SPATA4: variants seen among roughly 807,000 people sequenced by gnomAD.
SPATA4 encodes spermatogenesis associated 4.
A neutral mutation model predicts 31.8 loss-of-function variants in SPATA4; 35 were observed. The observed-to-expected ratio is 1.10, with a 90% CI of 0.84 to 1.46. The LOEUF is 1.46. Ranked by LOEUF, SPATA4 falls within the 40% of genes most tolerant of loss-of-function variation. The pLI is 0.00. For missense variants in SPATA4, 394 were observed against 363.1 expected, an observed-to-expected ratio of 1.09 and a Z score of -0.69; for synonymous variants, 126 against 132.4, an observed-to-expected ratio of 0.95 and a Z score of 0.33.
chr4:176,191,547 T>C (rs1316983438), intron 4 of SPATA4, among the ~76,000 whole-genome samples: 2 of 152,248 alleles, frequency 1.3e-5, no homozygotes, highest in African/African-American at 4.8e-5. Context: ...TATACAAATG[T>C]GTTTTCATCG....
rs781642804 is a variant in SPATA4 at position 176,188,254 on chromosome 4, A to C, written c.689-19T>G. 2 of 1,515,108 alleles carry C rather than the reference A, an allele frequency of 1.3e-6. No homozygotes were observed. The highest frequency in any genetic ancestry group is 4.1e-5 in the Admixed American group (2 of 48,566). The allele number at this position is 1,515,108 out of a possible 1,614,324, so 93.9% of individuals were successfully genotyped here. ...AACCATTCTATAAAATATGAACACA[A>C]AAGTTATTTCTTAAAAAGCCATAAT... On this transcript the variant is annotated intron_variant, in intron 4 of 5. Transcript: ENST00000280191.
In SPATA4 at chr4:176,184,744, G is replaced by A. The variant is rs1314046696; in HGVS notation, c.*36C>T. The stretch of plus-strand genomic sequence containing the variant: ...TTTCTTTATTATGGCTAGAGATGGT[G>A]GCATCACTTCTTCAAAGCCATTTGA... On this transcript the variant is annotated 3_prime_UTR_variant, in exon 6 of 6. Coordinates refer to ENST00000280191, the MANE Select transcript of SPATA4 (RefSeq NM_144644.4). 5.6e-6 allele frequency: 7 copies of A among 1,253,604 alleles called. No homozygotes were observed. The African/African-American group carries it at 7.5e-5, about 13-fold the overall frequency. 77.7% of individuals were successfully genotyped at this position (1,253,604 alleles called of 1,614,324 possible).
At position 176,192,646 on chromosome 4, in the gene SPATA4, T is replaced by A. The variant is rs1463371944; in HGVS notation, c.669A>T (p.Leu223Phe). 1.2e-6 allele frequency: 2 copies of A among 1,613,430 alleles called. No individual in the cohort carries two copies. Among genetic ancestry groups the A allele is most frequent in the African/African-American group, 2.7e-5 (2 of 74,920 alleles). Reference protein sequence around the residue: ...LILLHMLQRKLGRKLNPEWFD... With the variant: ...LILLHMLQRKFGRKLNPEWFD... The stretch of plus-strand genomic sequence containing the variant: ...ACTTACCTGGATTCAATTTTCTGCC[T>A]AATTTTCTTTGCAACATATGTAAAA... Residue 223 changes from leucine (L) to phenylalanine (F), a missense_variant, in exon 4 of 6, where the codon TTA becomes TTT. Leu to Phe is a conservative substitution (Grantham distance 22, BLOSUM62 0). Coordinates refer to ENST00000280191, the MANE Select transcript of SPATA4 (RefSeq NM_144644.4).
Position 176,195,519 on chromosome 4 carries a change from G to T in SPATA4, c.44C>A (p.Ala15Glu). 2 of 1,614,242 alleles carry T rather than the reference G, an allele frequency of 1.2e-6. No individual in the cohort carries two copies. Among genetic ancestry groups the T allele is most frequent in the Non-Finnish European group, 1.7e-6 (2 of 1,180,040 alleles). The change falls in exon 1 of 6, where the codon GCG (alanine) becomes GAG (glutamate). Residue 15 changes from alanine (A) to glutamate (E), a missense_variant. Ala to Glu is a moderately radical substitution (Grantham distance 107). Coordinates refer to ENST00000280191, the MANE Select transcript of SPATA4 (RefSeq NM_144644.4). ...TGACGGTGACTTGTCTAGGGCTGCC[G>T]CAGTCTGTGTCAAATACCCTTTTTC... ...GQEKGYLTQT[A>E]AALDKSPSLS...
Position 176,192,674 on chromosome 4 carries a change from A to G in SPATA4, c.641T>C (p.Ile214Thr), listed in dbSNP as rs1258503450. Residue 214 changes from isoleucine to threonine, a missense_variant, in exon 4 of 6, where the codon ATC becomes ACC. By Grantham distance (89) the Ile-to-Thr change is moderately conservative. Transcript: ENST00000280191. ...TTTTCTTTGCAACATATGTAAAAGGATGAGGAACTCCGCTTTAAGTTCATT... is the reference window on the plus strand; with the variant it reads ...TTTTCTTTGCAACATATGTAAAAGGGTGAGGAACTCCGCTTTAAGTTCATT... ...LTNELKAEFL[I>T]LLHMLQRKLG... 1 of 1,613,954 alleles carries G rather than the reference A, an allele frequency of 6.2e-7. No homozygotes were observed. Among genetic ancestry groups the G allele is most frequent in the African/African-American group, 1.3e-5 (1 of 74,918 alleles).
intron 5 of SPATA4, among the ~76,000 whole-genome samples, chr4:176,185,573 C>T (rs62339458): frequency 0.16 from 24,207 of 152,164 alleles, 2,589 homozygotes; most frequent in Non-Finnish European, 0.23. Context: ...TACGTTCCTA[C>T]AGTCTAGTGT....
chr4:176,191,593 A>T (rs571178620), intron 4 of SPATA4, among the ~76,000 whole-genome samples: 1 of 152,364 alleles, frequency 6.6e-6, no homozygotes, highest in Admixed American at 6.5e-5. Flanking sequence ...TATACATTAT[A>T]TACGTGCATG....
At chr4:176,190,245 A>G (rs534896503) in intron 4 of SPATA4, among the ~76,000 whole-genome samples, 30 of 151,760 alleles carry the variant, frequency 2.0e-4, no homozygotes, top group African/African-American at 7.3e-4. Context: ...GCATAAGACG[A>G]TAGGGGGGTG....
chr4:176,192,565 C>T (rs1752546937), intron 4 of SPATA4, 62 bp downstream of exon 4: 1 of 1,407,748 alleles, frequency 7.1e-7, no homozygotes, highest in Admixed American at 1.8e-5. Flanking sequence ...TTTCTTTCAT[C>T]TGTGCTCAAG....
chr4:176,192,591 C>T, intron 4 of SPATA4, 36 bp downstream of exon 4: 1 of 1,558,342 alleles, frequency 6.4e-7, no homozygotes, highest in Non-Finnish European at 8.8e-7. Context: ...CCTGATAGAG[C>T]TTGGAAGAAC....
chr4:176,188,250 CA>C lies in SPATA4; in HGVS notation c.689-16del. The C allele has an allele frequency of 6.6e-7, 1 of 1,526,196 alleles. No homozygotes were observed. 94.5% of individuals were successfully genotyped at this position (1,526,196 alleles called of 1,614,324 possible). On this transcript the variant is annotated splice_polypyrimidine_tract_variant and intron_variant, in intron 4 of 5. Transcript: ENST00000280191. ...ATCAAACCATTCTATAAAATATGAA[CA>C]CAAAAGTTATTTCTTAAAAAGCCAT...
At position 176,192,702 on chromosome 4, in the gene SPATA4, T is replaced by G; in HGVS notation, c.613A>C (p.Thr205Pro). 1 of 1,614,152 alleles carries G rather than the reference T, an allele frequency of 6.2e-7. No individual in the cohort carries two copies. The highest frequency in any genetic ancestry group is 8.5e-7 in the Non-Finnish European group (1 of 1,179,996). The change falls in exon 4 of 6, where the codon ACC becomes CCC. Residue 205 changes from threonine (T) to proline (P), a missense_variant. Coordinates refer to ENST00000280191, the MANE Select transcript of SPATA4 (RefSeq NM_144644.4). ...SELLSNPNMLTNELKAEFLIL... is the reference protein window; with the variant it reads ...SELLSNPNMLPNELKAEFLIL... ...AGGAACTCCGCTTTAAGTTCATTGG[T>G]CAGCATGTTGGGATTGCTTAGTAAT...
intron 4 of SPATA4, among the ~76,000 whole-genome samples, chr4:176,191,701 C>CTTGA (rs1752536123): frequency 6.6e-6 from 1 of 151,978 alleles, no homozygotes; most frequent in African/African-American, 2.4e-5. Flanking sequence ...CGTCTTTATT[C>CTTGA]ATGAATTTAT....
At chr4:176,186,161 T>C (rs1752437861) in intron 5 of SPATA4, among the ~76,000 whole-genome samples, 1 of 152,224 alleles carries the variant, frequency 6.6e-6, no homozygotes, top group African/African-American at 2.4e-5. Context: ...CTTTAGCAAT[T>C]CAAATATCAG....
chr4:176,188,800 G>C (rs1028582865), intron 4 of SPATA4, among the ~76,000 whole-genome samples: 1 of 151,968 alleles, frequency 6.6e-6, no homozygotes, highest in African/African-American at 2.4e-5. Flanking sequence ...TGAAATACTT[G>C]AGCAATTTCC....
chr4:176,190,233 G>A (rs958756535), intron 4 of SPATA4, among the ~76,000 whole-genome samples: 5 of 151,862 alleles, frequency 3.3e-5, no homozygotes, highest in Admixed American at 1.3e-4. Flanking sequence ...AGGCAAAATT[G>A]GGCATAAGAC....
chr4:176,192,218 A>G (rs924953303), intron 4 of SPATA4, among the ~76,000 whole-genome samples: 10 of 152,206 alleles, frequency 6.6e-5, no homozygotes, highest in African/African-American at 2.4e-4. Context: ...AAACAAGCCT[A>G]CTATGGAAAG....
Position 176,188,140 on chromosome 4 carries a change from C to T in SPATA4, c.784G>A (p.Gly262Arg), listed in dbSNP as rs1369175061. The change falls in exon 5 of 6, where the codon GGA (glycine) becomes AGA (arginine). Residue 262 changes from glycine to arginine, a missense_variant. By Grantham distance (125) the Gly-to-Arg change is moderately radical. Transcript: ENST00000280191. ...TTACGTAAAACAGGGACAACTCTTC[C>T]TCTTTTAACTTTTAAATTATATCTG... is the stretch of plus-strand genomic sequence containing the variant. ...GRRYNLKVKRGRVVPVLPNIG... is the reference protein window; with the variant it reads ...GRRYNLKVKRRRVVPVLPNIG... 6.2e-7 allele frequency: 1 copy of T among 1,612,716 alleles called. No individual in the cohort carries two copies. The highest frequency in any genetic ancestry group is 1.3e-5 in the African/African-American group (1 of 74,950).
chr4:176,186,930 A>G (rs776693295), intron 5 of SPATA4, among the ~76,000 whole-genome samples: 10 of 152,212 alleles, frequency 6.6e-5, no homozygotes, highest in Non-Finnish European at 1.3e-4. Context: ...ACACGTCAGG[A>G]AACATAATCT....
Sources: gnomAD v4.1 joint callset for allele counts (sites outside exome capture counted in the v4.1 genomes callset) on GRCh38, gnomAD v4.1.1 for gene constraint, MANE v1.5 for transcripts, NCBI Gene and HGNC (gene_info 2026-07-23, HGNC 2026-07-21) for gene names.